The following BTBD7 variants were observed in gnomAD, a reference collection of about 807,000 sequenced individuals.
The protein encoded by BTBD7 is BTB/POZ domain-containing protein 7.
In BTBD7, 38 loss-of-function variants were observed where a neutral mutation model predicts 99.9. That is an observed-to-expected ratio of 0.38 (90% CI 0.29 to 0.50). The LOEUF (loss-of-function observed/expected upper bound fraction) is 0.50, where lower values mean the gene tolerates loss of function less well. Among genes scored for constraint, BTBD7 ranks in the 20% least tolerant of loss-of-function variants. The pLI is 0.93. For synonymous variants in BTBD7, 520 were observed against 511.4 expected, an observed-to-expected ratio of 1.02 and a Z score of -0.23; for missense variants, 1,170 against 1,394.6, an observed-to-expected ratio of 0.84 and a Z score of 2.57.
intron 1 of BTBD7, among the ~76,000 whole-genome samples, chr14:93,304,632 G>C (rs141113095): frequency 6.6e-6 from 1 of 152,190 alleles, no homozygotes; most frequent in Non-Finnish European, 1.5e-5. Context: ...GATTACAGGC[G>C]TGAGCCACCG....
At chr14:93,304,188 A>G (rs2053041450) in intron 1 of BTBD7, among the ~76,000 whole-genome samples, 1 of 152,216 alleles carries the variant, frequency 6.6e-6, no homozygotes, top group Non-Finnish European at 1.5e-5. Flanking sequence ...TACGATATGG[A>G]AAACTAGCAC....
chr14:93,253,394 AT>A (rs1412460440), intron 7 of BTBD7, among the ~76,000 whole-genome samples: 1 of 152,242 alleles, frequency 6.6e-6, no homozygotes, highest in Non-Finnish European at 1.5e-5. Flanking sequence ...GCAGTTAACA[AT>A]TTGCAAGGCA....
Position 93,239,102 on chromosome 14 carries a change from A to G in BTBD7, c.*3171T>C, listed in dbSNP as rs1410218381. ...ACGGGCGTGGAAAATTGAAACAATT[A>G]CGTTTCAAATACTTTTTGCCTTTCA... is the stretch of plus-strand genomic sequence containing the variant. On this transcript the variant is annotated 3_prime_UTR_variant, in exon 11 of 11. Transcript: ENST00000334746. The G allele has an allele frequency of 6.6e-6, 1 of 152,274 alleles. No individual in the cohort carries two copies. Among genetic ancestry groups the G allele is most frequent in the Non-Finnish European group, 1.5e-5 (1 of 68,044 alleles). 9.4% of individuals were successfully genotyped at this position (152,274 alleles called of 1,614,324 possible). A position where few individuals can be genotyped will look rare whatever the true frequency, so the allele number is the denominator to read the frequency against.
chr14:93,296,140 G>A lies in BTBD7; in HGVS notation c.-89C>T. ...TGAACCTTCAACCCTGGATCCAGCA[G>A]CCTCTTTTCATCCATTTCTTGATAT... On this transcript the variant is annotated 5_prime_UTR_variant, in exon 2 of 11. Coordinates refer to ENST00000334746, the MANE Select transcript of BTBD7 (RefSeq NM_001002860.4). The A allele has an allele frequency of 7.2e-7, 1 of 1,387,940 alleles. No individual in the cohort carries two copies. Among genetic ancestry groups the A allele is most frequent in the Non-Finnish European group, 9.4e-7 (1 of 1,062,258 alleles). 86.0% of individuals were successfully genotyped at this position (1,387,940 alleles called of 1,614,324 possible).
chr14:93,289,387 T>C (rs975020500), intron 3 of BTBD7, among the ~76,000 whole-genome samples: 1 of 152,240 alleles, frequency 6.6e-6, no homozygotes, highest in East Asian at 1.9e-4. Context: ...TTCTATGCTA[T>C]GCATATCCCT....
intron 1 of BTBD7, among the ~76,000 whole-genome samples, chr14:93,326,257 T>C (rs2053329719): frequency 6.6e-6 from 1 of 151,988 alleles, no homozygotes; most frequent in Non-Finnish European, 1.5e-5. Flanking sequence ...GCTGGAGTCT[T>C]GGAGTTCGAG....
At chr14:93,294,981 A>G in intron 2 of BTBD7, 44 bp from the exon 3 acceptor site, 1 of 1,475,600 alleles carries the variant, frequency 6.8e-7, no homozygotes, top group Non-Finnish European at 9.0e-7. Flanking sequence ...TTTTCTTAAC[A>G]TTCATTTTCA....
chr14:93,257,142 T>C (rs567971858), intron 6 of BTBD7, 53 bp downstream of exon 6: 7 of 1,554,490 alleles, frequency 4.5e-6, no homozygotes, highest in Non-Finnish European at 6.2e-6. Flanking sequence ...AATAAAAACA[T>C]ACACCTGGCA....
At chr14:93,289,851 CTTT>C (rs34820136) in intron 3 of BTBD7, among the ~76,000 whole-genome samples, 14 of 98,448 alleles carry the variant, frequency 1.4e-4, no homozygotes, top group African/African-American at 4.3e-4. Context: ...ACTCTCTGGG[CTTT>C]TTTTTTTTTT....
At chr14:93,270,249 C>T (rs537699181) in intron 3 of BTBD7, among the ~76,000 whole-genome samples, 1 of 152,098 alleles carries the variant, frequency 6.6e-6, no homozygotes, top group South Asian at 2.1e-4. Context: ...GCGCCTGCCA[C>T]AACACCCGGC....
intron 1 of BTBD7, among the ~76,000 whole-genome samples, chr14:93,311,745 ATT>A (rs5810628): frequency 0.061 from 8,759 of 142,540 alleles, 460 homozygotes; most frequent in African/African-American, 0.15. Flanking sequence ...AATATTTTTA[ATT>A]TTTTTTTTTT....
In BTBD7 at chr14:93,248,624, A is replaced by T. The variant is rs1471080511; in HGVS notation, c.1973T>A (p.Val658Asp). Residue 658 changes from valine to aspartate, a missense_variant, in exon 9 of 11, where the codon GTC becomes GAC. By Grantham distance (152) the Val-to-Asp change is radical. This residue lies in a region of BTBD7 where 309 missense variants were observed against 342.0 expected (regional missense o/e 0.90). Transcript: ENST00000334746. ...GTGCCGCAGTTCCTGCAGTCGTCTG[A>T]CCATGTCTTTCATAATGAGGAGACG... ...VPRLLIMKDM[V>D]RRLQELRHTE... The T allele has an allele frequency of 6.2e-7, 1 of 1,612,602 alleles. No individual in the cohort carries two copies. Among genetic ancestry groups the T allele is most frequent in the East Asian group, 2.2e-5 (1 of 44,876 alleles).
At chr14:93,270,240 C>T (rs1367317792) in intron 3 of BTBD7, among the ~76,000 whole-genome samples, 2 of 152,020 alleles carry the variant, frequency 1.3e-5, no homozygotes, top group East Asian at 2.0e-4. Context: ...GGATTACAGG[C>T]GCCTGCCACA....
At chr14:93,311,395 C>A (rs555676319) in intron 1 of BTBD7, among the ~76,000 whole-genome samples, 1 of 152,246 alleles carries the variant, frequency 6.6e-6, no homozygotes, top group African/African-American at 2.4e-5. Flanking sequence ...AGCCCTAATT[C>A]CCTTTAGTGG....
At chr14:93,266,051 A>G (rs1296249928) in intron 3 of BTBD7, among the ~76,000 whole-genome samples, 1 of 152,248 alleles carries the variant, frequency 6.6e-6, no homozygotes, top group African/African-American at 2.4e-5. Context: ...AATTGCCTAA[A>G]AAGACTGATC....
chr14:93,296,643 C>T (rs887045549), intron 1 of BTBD7, among the ~76,000 whole-genome samples: 1 of 152,084 alleles, frequency 6.6e-6, no homozygotes, highest in Admixed American at 6.5e-5. Context: ...AATCTTTAAT[C>T]TGTATAATTA....
chr14:93,307,011 T>C (rs2053077723), intron 1 of BTBD7, among the ~76,000 whole-genome samples: 1 of 152,236 alleles, frequency 6.6e-6, no homozygotes. Flanking sequence ...GAAAAGGTTA[T>C]GTCTTCTATG....
chr14:93,254,332 C>T (rs551282950), intron 6 of BTBD7, among the ~76,000 whole-genome samples: 5 of 152,220 alleles, frequency 3.3e-5, no homozygotes, highest in Admixed American at 6.5e-5. Flanking sequence ...TTTTTAAAAA[C>T]GAGACACATT....
intron 1 of BTBD7, among the ~76,000 whole-genome samples, chr14:93,317,995 C>T (rs2053226421): frequency 6.6e-6 from 1 of 152,226 alleles, no homozygotes; most frequent in South Asian, 2.1e-4. Flanking sequence ...ACTCTTGAAG[C>T]TTGTGCCTGG....
Sources: gnomAD v4.1 joint callset for allele counts (sites outside exome capture counted in the v4.1 genomes callset) on GRCh38, gnomAD v4.1.1 for gene constraint, gnomAD v4.1.1 regional missense constraint, MANE v1.5 for transcripts, NCBI Gene and HGNC (gene_info 2026-07-23, HGNC 2026-07-21) for gene names.